The following CUL5 variants were observed in gnomAD, a reference collection of about 807,000 sequenced individuals.
CUL5 encodes the protein cullin-5.
A neutral mutation model predicts 108.8 loss-of-function variants in CUL5; 26 were observed. The observed-to-expected ratio is 0.24, with a 90% CI of 0.18 to 0.33. The LOEUF (loss-of-function observed/expected upper bound fraction) is 0.33. Among genes scored for constraint, CUL5 ranks in the 10% least tolerant of loss-of-function variants. The pLI is 1.00. For synonymous variants in CUL5, 334 were observed against 298.0 expected (o/e 1.12, Z -1.25); for missense variants, 524 against 909.2 (o/e 0.58, Z 5.45).
At chr11:108,094,307 C>T (rs1864434419) in intron 13 of CUL5, 84 bp from the exon 14 acceptor site, 1 of 989,806 alleles carries the variant, frequency 1.0e-6, no homozygotes, top group Non-Finnish European at 1.5e-6. Context: ...ACATTTAAGA[C>T]TTAGTTTTTC....
chr11:108,073,998 A>ATG (rs1253440952), intron 10 of CUL5: 5 of 152,358 alleles, frequency 3.3e-5, no homozygotes, highest in Non-Finnish European at 7.3e-5. Flanking sequence ...GTATAGGATA[A>ATG]TGATAATAAA....
intron 2 of CUL5, among the ~76,000 whole-genome samples, chr11:108,045,887 A>G (rs559774470): frequency 4.1e-4 from 63 of 152,178 alleles, no homozygotes; most frequent in Non-Finnish European, 8.2e-4. Flanking sequence ...AAAATTTTTA[A>G]AAATAATTAA....
intron 12 of CUL5, among the ~76,000 whole-genome samples, chr11:108,089,039 AGTT>A (rs1469234456): frequency 1.3e-5 from 2 of 152,118 alleles, no homozygotes; most frequent in Non-Finnish European, 2.9e-5. Context: ...TAGATTAAGT[AGTT>A]GTTTTCATCT....
At chr11:108,033,442 C>T (rs547755292) in intron 1 of CUL5, among the ~76,000 whole-genome samples, 2 of 152,280 alleles carry the variant, frequency 1.3e-5, no homozygotes, top group South Asian at 4.2e-4. Flanking sequence ...GGACAGTCCC[C>T]TCCCTGAATT....
chr11:108,040,112 C>T (rs11607509), intron 2 of CUL5, among the ~76,000 whole-genome samples: 1 of 152,236 alleles, frequency 6.6e-6, no homozygotes, highest in Admixed American at 6.5e-5. Flanking sequence ...TTTCCTCCCT[C>T]TCCTATTTCC....
intron 1 of CUL5, among the ~76,000 whole-genome samples, chr11:108,016,963 C>T (rs575164888): frequency 7.7e-4 from 117 of 152,130 alleles, no homozygotes; most frequent in Non-Finnish European, 1.4e-3. Flanking sequence ...ACCACCTCTA[C>T]AAAAATAAAA....
intron 7 of CUL5, among the ~76,000 whole-genome samples, chr11:108,066,093 C>T (rs1281629574): frequency 3.3e-5 from 5 of 152,216 alleles, no homozygotes; most frequent in Admixed American, 1.3e-4. Context: ...CTAATCCCAG[C>T]ACTTTGGGAG....
chr11:108,050,954 A>G (rs2135130863), intron 4 of CUL5, among the ~76,000 whole-genome samples: 1 of 152,296 alleles, frequency 6.6e-6, no homozygotes, highest in Non-Finnish European at 1.5e-5. Flanking sequence ...TTTTCCATAT[A>G]TCTTTCCACT....
chr11:108,039,385 C>A (rs1862832948), intron 2 of CUL5, among the ~76,000 whole-genome samples: 1 of 152,198 alleles, frequency 6.6e-6, no homozygotes, highest in African/African-American at 2.4e-5. Flanking sequence ...CCTTCTGTGT[C>A]TTTCTCCCCA....
At chr11:108,070,284 A>T (rs1220778516) in intron 8 of CUL5, 95 bp downstream of exon 8, 2 of 842,608 alleles carry the variant, frequency 2.4e-6, no homozygotes, top group Middle Eastern at 3.3e-4. Flanking sequence ...ATTCTTTTCC[A>T]CATAGGTATA....
At chr11:108,064,183 G>A (rs1863618129) in intron 7 of CUL5, among the ~76,000 whole-genome samples, 1 of 152,162 alleles carries the variant, frequency 6.6e-6, no homozygotes. Context: ...CTTTTATTAT[G>A]TTGAGGTATG....
chr11:108,082,986 C>T (rs1277422367), intron 11 of CUL5, among the ~76,000 whole-genome samples: 2 of 152,164 alleles, frequency 1.3e-5, no homozygotes, highest in Non-Finnish European at 2.9e-5. Context: ...TATTTATTGG[C>T]TCAGATACCT....
chr11:108,012,048 C>T (rs1862069050), intron 1 of CUL5, among the ~76,000 whole-genome samples: 1 of 152,210 alleles, frequency 6.6e-6, no homozygotes, highest in South Asian at 2.1e-4. Flanking sequence ...CACATTTTGA[C>T]ATATACAGTT....
intron 7 of CUL5, among the ~76,000 whole-genome samples, chr11:108,062,795 CTGTTA>C (rs1257041391): frequency 8.6e-5 from 13 of 151,962 alleles, no homozygotes; most frequent in African/African-American, 2.9e-4. Context: ...TGTAGTCACC[CTGTTA>C]TGTTATCAAA....
chr11:108,069,886 T>C (rs1863779180), intron 7 of CUL5, among the ~76,000 whole-genome samples: 2 of 152,238 alleles, frequency 1.3e-5, no homozygotes, highest in African/African-American at 4.8e-5. Context: ...AAAGAGAGTC[T>C]AGTTCTATAG....
chr11:108,096,387 A>AAGGCTGAG (rs1443472789), intron 16 of CUL5, among the ~76,000 whole-genome samples: 1 of 150,610 alleles, frequency 6.6e-6, no homozygotes, highest in African/African-American at 2.4e-5. Context: ...AGCTACTTGG[A>AAGGCTGAG]AGGCTGAGGT....
rs1825410771 is a variant in CUL5 at position 108,009,244 on chromosome 11, G to A, written c.-105G>A. The A allele has an allele frequency of 4.6e-5, 59 of 1,273,318 alleles. No individual in the cohort carries two copies. In the South Asian group the frequency reaches 7.0e-4, roughly 15 times the overall value. 78.9% of individuals were successfully genotyped at this position (1,273,318 alleles called of 1,614,324 possible). ...CAGCGCCCACCACACCCTGGTGCGG[G>A]CCGACGGGCCCTGGGCCCTGGTGGG... On this transcript the variant is annotated 5_prime_UTR_variant, in exon 1 of 19. Transcript: ENST00000393094.
At chr11:108,012,481 T>C (rs1862077609) in intron 1 of CUL5, among the ~76,000 whole-genome samples, 1 of 151,202 alleles carries the variant, frequency 6.6e-6, no homozygotes, top group Admixed American at 6.6e-5. Flanking sequence ...TCTTTTTCAG[T>C]CCTCATCTTC....
intron 11 of CUL5, among the ~76,000 whole-genome samples, chr11:108,080,111 C>CTT (rs34618859): frequency 8.6e-5 from 10 of 116,666 alleles, no homozygotes; most frequent in East Asian, 7.9e-4. Context: ...AATTTTTCAT[C>CTT]TTTTTTTTTT....
Sources: allele counts gnomAD v4.1 joint callset (sites outside exome capture counted in the v4.1 genomes callset), GRCh38; gene constraint gnomAD v4.1.1; transcripts MANE v1.5; gene names NCBI Gene and HGNC (gene_info 2026-07-23, HGNC 2026-07-21).